The following CA10 variants were observed in gnomAD, a reference collection of about 807,000 sequenced individuals.
CA10 encodes carbonic anhydrase-related protein 10.
Under a neutral mutation model 44.2 loss-of-function variants are expected in CA10, and 14 were observed. The observed-to-expected ratio is 0.32, with a 90% CI of 0.21 to 0.50. The LOEUF (loss-of-function observed/expected upper bound fraction) is 0.50. Ranked by LOEUF, CA10 falls within the 20% of genes least tolerant of loss-of-function variation. CA10 has a pLI of 0.99. For synonymous variants in CA10, 159 were observed against 141.6 expected (o/e 1.12, Z -0.87); for missense variants, 350 against 409.7 (o/e 0.85, Z 1.26).
chr17:52,020,947 C>T (rs1986119684), intron 2 of CA10, among the ~76,000 whole-genome samples: 1 of 152,090 alleles, frequency 6.6e-6, no homozygotes, highest in South Asian at 2.1e-4. Flanking sequence ...TAATGGCCTC[C>T]AGCATCACTC....
intron 3 of CA10, among the ~76,000 whole-genome samples, chr17:51,898,264 T>C (rs578186184): frequency 5.1e-4 from 78 of 151,858 alleles, no homozygotes; most frequent in African/African-American, 1.9e-3. Context: ...TGTTGTTTTT[T>C]TAAAATGTTG....
chr17:51,924,279 T>G (rs1416371520), intron 3 of CA10, among the ~76,000 whole-genome samples: 1 of 151,346 alleles, frequency 6.6e-6, no homozygotes, highest in African/African-American at 2.4e-5. Flanking sequence ...ACTTTGTTTG[T>G]TTTGTTTGTT....
At position 51,754,779 on chromosome 17, in the gene CA10, C is replaced by T. The variant is rs192671665; in HGVS notation, c.280-6961G>A. 1.6e-4 allele frequency among the ~76,000 whole-genome samples: 24 copies of T among 152,244 alleles called. No individual in the cohort carries two copies. In the East Asian group the frequency reaches 4.1e-3, roughly 26 times the overall value. On this transcript the variant is annotated intron_variant, in intron 3 of 8. Transcript: ENST00000451037. ...GTGCCATGGCCCAGCCAAGTTAACACATCAATTAACCACTACACTTATTTT... is the reference window on the plus strand; with the variant it reads ...GTGCCATGGCCCAGCCAAGTTAACATATCAATTAACCACTACACTTATTTT...
chr17:52,135,972 C>T (rs192522513), intron 1 of CA10, among the ~76,000 whole-genome samples: 11 of 152,314 alleles, frequency 7.2e-5, no homozygotes, highest in Admixed American at 3.9e-4. Context: ...TTTGCATAGG[C>T]TGCTATTGTT....
chr17:51,850,667 G>A (rs1329893252), intron 3 of CA10, among the ~76,000 whole-genome samples: 1 of 152,312 alleles, frequency 6.6e-6, no homozygotes, highest in Non-Finnish European at 1.5e-5. Flanking sequence ...AGCAGATATT[G>A]CACTGAAATA....
chr17:52,070,114 G>T (rs1238804551), intron 2 of CA10, among the ~76,000 whole-genome samples: 1 of 152,122 alleles, frequency 6.6e-6, no homozygotes, highest in Admixed American at 6.5e-5. Context: ...AACAGAGTTG[G>T]AGTTCCCAAA....
At chr17:51,734,794 C>T (rs981246797) in intron 4 of CA10, among the ~76,000 whole-genome samples, 12 of 152,102 alleles carry the variant, frequency 7.9e-5, no homozygotes. Context: ...GTCCATTCAT[C>T]AGAATATCTG....
At chr17:51,804,662 A>C (rs928823431) in intron 3 of CA10, among the ~76,000 whole-genome samples, 1 of 152,236 alleles carries the variant, frequency 6.6e-6, no homozygotes, top group Non-Finnish European at 1.5e-5. Context: ...AGAACAAATG[A>C]ATGTGCTTTT....
chr17:52,083,083 G>C (rs777030790), intron 1 of CA10, among the ~76,000 whole-genome samples: 14 of 152,198 alleles, frequency 9.2e-5, no homozygotes, highest in African/African-American at 3.1e-4. Context: ...AGAATGCTAG[G>C]AGCATACTAA....
intron 1 of CA10, among the ~76,000 whole-genome samples, chr17:52,083,926 C>T (rs1988050165): frequency 6.6e-6 from 1 of 152,026 alleles, no homozygotes; most frequent in Admixed American, 6.5e-5. Context: ...AGTAGATACC[C>T]AATACTGTGA....
chr17:51,876,345 CTT>C (rs767472733), intron 3 of CA10, among the ~76,000 whole-genome samples: 21 of 123,644 alleles, frequency 1.7e-4, no homozygotes, highest in Middle Eastern at 4.1e-3. Flanking sequence ...TTTTTTTCAT[CTT>C]TTTTTTTTTT....
chr17:51,986,998 C>T (rs1388198711), intron 2 of CA10, among the ~76,000 whole-genome samples: 1 of 152,142 alleles, frequency 6.6e-6, no homozygotes, highest in East Asian at 1.9e-4. Flanking sequence ...AGCAATTTCA[C>T]TACTGGATAT....
rs149554940 is a variant in CA10 at position 51,785,271 on chromosome 17, G to A, written c.280-37453C>T. On this transcript the variant is annotated intron_variant, in intron 3 of 8. Coordinates refer to ENST00000451037, the MANE Select transcript of CA10 (RefSeq NM_020178.5). ...GATGTCTCTTCGATATACTGATTTC[G>A]TGGTTATTAATCCCTTGTCAGAATA... 1.5e-4 allele frequency among the ~76,000 whole-genome samples: 23 copies of A among 150,596 alleles called. No individual in the cohort carries two copies. The East Asian group carries it at 3.4e-3, about 22-fold the overall frequency.
In CA10 at chr17:51,648,786, C is replaced by T. The variant is rs115677957; in HGVS notation, c.634+396G>A. 6.3e-3 allele frequency among the ~76,000 whole-genome samples: 956 copies of T among 152,178 alleles called. 9 individuals carry two copies. The highest frequency in any genetic ancestry group is 0.022 in the African/African-American group (904 of 41,516). On this transcript the variant is annotated intron_variant, in intron 6 of 8. Transcript: ENST00000451037. Reference sequence around the variant, plus strand: ...GCCACACACAGAGAAATGGTCTAGCCGAGGGCTTCTGTAAATGTTGCGATT... The same window carrying T: ...GCCACACACAGAGAAATGGTCTAGCTGAGGGCTTCTGTAAATGTTGCGATT...
chr17:52,046,146 T>C (rs1986905025), intron 2 of CA10, among the ~76,000 whole-genome samples: 1 of 151,706 alleles, frequency 6.6e-6, no homozygotes, highest in South Asian at 2.1e-4. Context: ...GTTTTTAGCT[T>C]TCAGCTTAAA....
At chr17:51,896,014 GTTA>G (rs1981052129) in intron 3 of CA10, among the ~76,000 whole-genome samples, 1 of 151,952 alleles carries the variant, frequency 6.6e-6, no homozygotes, top group Non-Finnish European at 1.5e-5. Context: ...AATGTTCCAT[GTTA>G]TTTTTTTAAA....
At chr17:52,119,453 A>G (rs886229361) in intron 1 of CA10, among the ~76,000 whole-genome samples, 1 of 152,190 alleles carries the variant, frequency 6.6e-6, no homozygotes, top group Non-Finnish European at 1.5e-5. Flanking sequence ...GTCCCTGTAC[A>G]GGGTTCCTGA....
At chr17:51,807,530 C>T (rs561334602) in intron 3 of CA10, among the ~76,000 whole-genome samples, 2 of 152,288 alleles carry the variant, frequency 1.3e-5, no homozygotes, top group South Asian at 2.1e-4. Flanking sequence ...CACTTAAATG[C>T]TTATATCTGT....
At position 51,672,210 on chromosome 17, in the gene CA10, C is replaced by T. The variant is rs144122730; in HGVS notation, c.466-18474G>A. On this transcript the variant is annotated intron_variant, in intron 4 of 8. Coordinates refer to ENST00000451037, the MANE Select transcript of CA10 (RefSeq NM_020178.5). ...CCTCTTCCCCCAAATACACACAGAT[C>T]GTCACACACAAACAATACTACTGCT... is the stretch of plus-strand genomic sequence containing the variant. Among the ~76,000 whole-genome samples, 879 of 152,318 alleles carry T rather than the reference C, an allele frequency of 5.8e-3. 7 individuals are homozygous for T. Among genetic ancestry groups the T allele is most frequent in the Non-Finnish European group, 9.5e-3 (646 of 68,028 alleles).
Sources: gnomAD v4.1 joint callset for allele counts (sites outside exome capture counted in the v4.1 genomes callset) on GRCh38, gnomAD v4.1.1 for gene constraint, MANE v1.5 for transcripts, NCBI Gene and HGNC (gene_info 2026-07-23, HGNC 2026-07-21) for gene names.